Variants in MKLN1 observed in about 807,000 individuals in gnomAD.
MKLN1 encodes the protein muskelin.
Under a neutral mutation model 99.0 loss-of-function variants are expected in MKLN1, and 18 were observed. The ratio of observed to expected loss-of-function variants is 0.18; its 90% CI spans 0.13 to 0.27. The LOEUF is 0.27. Among genes scored for constraint, MKLN1 ranks in the 10% least tolerant of loss-of-function variants. MKLN1 has a pLI of 1.00. For synonymous variants in MKLN1, 288 were observed against 293.2 expected, an observed-to-expected ratio of 0.98 and a Z score of 0.18; for missense variants, 621 against 875.9, an observed-to-expected ratio of 0.71 and a Z score of 3.67.
At chr7:131,302,601 C>G (rs1798392389) in intron 3 of MKLN1, among the ~76,000 whole-genome samples, 1 of 152,218 alleles carries the variant, frequency 6.6e-6, no homozygotes. Flanking sequence ...CAGCAGTTGA[C>G]AGTTCATCCA....
At chr7:131,466,158 A>G (rs189911263) in intron 14 of MKLN1, 118 bp from the exon 15 acceptor site, 199 of 674,070 alleles carry the variant, frequency 3.0e-4, no homozygotes, top group Non-Finnish European at 4.1e-4. Flanking sequence ...AAAATGCAGT[A>G]TAATTTTTAA....
intron 3 of MKLN1, among the ~76,000 whole-genome samples, chr7:131,262,908 A>AT (rs199826235): frequency 4.7e-5 from 7 of 149,972 alleles, no homozygotes; most frequent in South Asian, 2.1e-4. Context: ...ACTCACATAC[A>AT]TTTTTTTTTC....
intron 2 of MKLN1, among the ~76,000 whole-genome samples, chr7:131,147,983 A>G (rs1795838547): frequency 6.6e-6 from 1 of 152,200 alleles, no homozygotes; most frequent in Non-Finnish European, 1.5e-5. Context: ...GACAAGCATT[A>G]TGGCATAAGC....
chr7:131,179,556 CATTATT>C (rs146282031), intron 2 of MKLN1, among the ~76,000 whole-genome samples: 58 of 150,352 alleles, frequency 3.9e-4, no homozygotes, highest in African/African-American at 1.3e-3. Flanking sequence ...TTAAAAGAGA[CATTATT>C]ATTATTATTA....
rs5887506 is a variant in MKLN1 at position 131,472,594 on chromosome 7, A to ATG, written c.2031+1680_2031+1681dup. The stretch of plus-strand genomic sequence containing the variant: ...GTTAGAAAGAAATGTTGAAGTGTGT[A>ATG]TGTGTGTGTGTGTGTGTGTGTGTGT... On this transcript the variant is annotated intron_variant, in intron 16 of 17. Transcript: ENST00000352689. Among the ~76,000 whole-genome samples, 377 of 150,098 alleles carry ATG rather than the reference A, an allele frequency of 2.5e-3. 1 individual carries two copies. Among genetic ancestry groups the ATG allele is most frequent in the Non-Finnish European group, 4.0e-3 (267 of 67,380 alleles).
intron 3 of MKLN1, among the ~76,000 whole-genome samples, chr7:131,291,822 A>G (rs1269142584): frequency 1.3e-5 from 2 of 151,792 alleles, no homozygotes; most frequent in African/African-American, 4.8e-5. Context: ...GTTTGAAAAT[A>G]GGCCAGGCAT....
chr7:131,360,178 A>C (rs138158585), intron 1 of MKLN1, among the ~76,000 whole-genome samples: 2,689 of 151,930 alleles, frequency 0.018, 68 homozygotes, highest in African/African-American at 0.061. Flanking sequence ...ATATTCACCT[A>C]TTTGTATCTT....
intron 3 of MKLN1, among the ~76,000 whole-genome samples, chr7:131,279,322 G>A (rs966865964): frequency 1.1e-4 from 17 of 152,218 alleles, no homozygotes; most frequent in Admixed American, 1.3e-4. Flanking sequence ...TGTGAAGCCA[G>A]TAGTGCAACG....
chr7:131,428,663 A>C (rs1218672004), intron 8 of MKLN1, among the ~76,000 whole-genome samples: 1 of 152,236 alleles, frequency 6.6e-6, no homozygotes. Flanking sequence ...TGGTAAATGT[A>C]AAGTTTTCAA....
intron 1 of MKLN1, among the ~76,000 whole-genome samples, chr7:131,133,408 G>A (rs1252474763): frequency 2.4e-5 from 3 of 125,036 alleles, no homozygotes; most frequent in East Asian, 2.5e-4. Flanking sequence ...AGGCTGGAGT[G>A]CAGTGGCGTG....
At chr7:131,394,317 C>T (rs924682583) in intron 4 of MKLN1, among the ~76,000 whole-genome samples, 1 of 152,004 alleles carries the variant, frequency 6.6e-6, no homozygotes, top group Non-Finnish European at 1.5e-5. Context: ...TTGACACCAG[C>T]GACCAGTTTT....
At chr7:131,416,140 C>T (rs986365386) in intron 8 of MKLN1, among the ~76,000 whole-genome samples, 36 of 152,258 alleles carry the variant, frequency 2.4e-4, no homozygotes, top group African/African-American at 7.7e-4. Flanking sequence ...TAATAATATA[C>T]TAAATCTATG....
At chr7:131,328,038 G>A (rs1584607468) in intron 1 of MKLN1, 41 bp downstream of exon 1, 2 of 1,603,538 alleles carry the variant, frequency 1.2e-6, no homozygotes, top group Non-Finnish European at 1.7e-6. Context: ...CCACCCTTCC[G>A]CGTCAGCACG....
At chr7:131,171,717 CA>C (rs1389869722) in intron 2 of MKLN1, among the ~76,000 whole-genome samples, 1 of 152,156 alleles carries the variant, frequency 6.6e-6, no homozygotes, top group Non-Finnish European at 1.5e-5. Context: ...CTCGGCCTCC[CA>C]AAGTGCTGGG....
At chr7:131,242,659 C>T (rs1016188181) in intron 3 of MKLN1, 7 of 588,672 alleles carry the variant, frequency 1.2e-5, no homozygotes, top group Non-Finnish European at 2.2e-5. Context: ...GGATGCAAAG[C>T]CATCATCGTG....
chr7:131,477,461 C>T (rs1796999673), intron 16 of MKLN1, among the ~76,000 whole-genome samples: 1 of 151,556 alleles, frequency 6.6e-6, no homozygotes, highest in Middle Eastern at 3.2e-3. Context: ...GAGCCATGAT[C>T]ACGCCACTGC....
intron 16 of MKLN1, among the ~76,000 whole-genome samples, chr7:131,475,564 A>C (rs1009227455): frequency 2.0e-5 from 3 of 152,256 alleles, no homozygotes; most frequent in African/African-American, 4.8e-5. Context: ...TTGTAATCAC[A>C]GCATTTTGGG....
At chr7:131,224,906 T>C (rs1467518576) in intron 3 of MKLN1, among the ~76,000 whole-genome samples, 3 of 149,730 alleles carry the variant, frequency 2.0e-5, no homozygotes, top group Admixed American at 6.7e-5. Context: ...ACCCCGTCTC[T>C]ACTAAAAATA....
chr7:131,252,229 A>G (rs981790990), intron 3 of MKLN1, among the ~76,000 whole-genome samples: 3 of 152,186 alleles, frequency 2.0e-5, no homozygotes, highest in African/African-American at 7.2e-5. Flanking sequence ...AGTAGGGGGA[A>G]AAACAATGGA....
Sources: gnomAD v4.1 joint callset for allele counts (sites outside exome capture counted in the v4.1 genomes callset) on GRCh38, gnomAD v4.1.1 for gene constraint, MANE v1.5 for transcripts, NCBI Gene and HGNC (gene_info 2026-07-23, HGNC 2026-07-21) for gene names.